PCDHA3: variants seen among roughly 807,000 people sequenced by gnomAD.
PCDHA3 encodes protocadherin alpha-3.
PCDHA3 carries 41 observed loss-of-function variants against 62.2 expected under a neutral mutation model. That is an observed-to-expected ratio of 0.66 (90% CI 0.51 to 0.86). The LOEUF is 0.86. PCDHA3 is among the 40% of genes least tolerant of loss of function. The probability of loss-of-function intolerance (pLI) is 0.00; values close to 1 mark genes in which losing one functional copy is unlikely to be tolerated. For synonymous variants in PCDHA3, 640 were observed against 555.4 expected (o/e 1.15, Z -2.14); for missense variants, 1,304 against 1,241.2 (o/e 1.05, Z -0.76).
At chr5:140,963,237 G>A (rs782735845) in intron 1 of PCDHA3, among the ~76,000 whole-genome samples, 50 of 152,136 alleles carry the variant, frequency 3.3e-4, no homozygotes, top group Non-Finnish European at 6.2e-4. Flanking sequence ...CTGTTTGATG[G>A]ATTAGGTAGG....
chr5:140,969,339 A>AGTG (rs782647003), intron 1 of PCDHA3: 3 of 1,613,948 alleles, frequency 1.9e-6, no homozygotes, highest in African/African-American at 2.7e-5. Flanking sequence ...GAGGTGAGAC[A>AGTG]GTGGTCAGGG....
intron 1 of PCDHA3, chr5:140,877,432 C>T: frequency 6.2e-7 from 1 of 1,613,874 alleles, no homozygotes; most frequent in Non-Finnish European, 8.5e-7. Flanking sequence ...GGTGAAGGAC[C>T]ACGGTGAGCC....
chr5:140,825,781 T>C (rs1469171066), intron 1 of PCDHA3: 1 of 152,484 alleles, frequency 6.6e-6, no homozygotes, highest in African/African-American at 2.4e-5. Context: ...AATTCTACTA[T>C]ATTTTGGTTG....
At chr5:140,836,233 G>A in intron 1 of PCDHA3, 5 of 1,613,764 alleles carry the variant, frequency 3.1e-6, no homozygotes, top group Non-Finnish European at 4.2e-6. Flanking sequence ...GTGGCGGCCG[G>A]TGCGAGCATC....
At chr5:140,830,211 T>C (rs2150182802) in intron 1 of PCDHA3, 1 of 1,613,792 alleles carries the variant, frequency 6.2e-7, no homozygotes, top group South Asian at 1.1e-5. Flanking sequence ...ATCTGCGCGG[T>C]ATCCAGCCTG....
At chr5:140,918,428 T>C (rs2078691655) in intron 1 of PCDHA3, among the ~76,000 whole-genome samples, 1 of 152,194 alleles carries the variant, frequency 6.6e-6, no homozygotes, top group African/African-American at 2.4e-5. Context: ...AGTAGGATGT[T>C]GAATAGGAGT....
chr5:140,926,885 GAGGGA>G (rs782449015), intron 1 of PCDHA3: 1 of 1,543,482 alleles, frequency 6.5e-7, no homozygotes, highest in Non-Finnish European at 8.7e-7. Context: ...TGGACGCCTA[GAGGGA>G]GGATGGTGGG....
At chr5:140,936,577 A>G (rs776415020) in intron 1 of PCDHA3, among the ~76,000 whole-genome samples, 1 of 152,186 alleles carries the variant, frequency 6.6e-6, no homozygotes, top group Non-Finnish European at 1.5e-5. Flanking sequence ...TCCACTTGTA[A>G]ATCCAGTTAG....
At chr5:140,909,169 A>G (rs545864609) in intron 1 of PCDHA3, among the ~76,000 whole-genome samples, 1 of 152,356 alleles carries the variant, frequency 6.6e-6, no homozygotes, top group African/African-American at 2.4e-5. Context: ...AAATCAATCA[A>G]GTTCTCTCCA....
At chr5:140,925,932 A>G (rs1202634955) in intron 1 of PCDHA3, among the ~76,000 whole-genome samples, 1 of 150,196 alleles carries the variant, frequency 6.7e-6, no homozygotes, top group African/African-American at 2.5e-5. Flanking sequence ...TCCCAAGTAG[A>G]GCCTCTTGGA....
intron 1 of PCDHA3, among the ~76,000 whole-genome samples, chr5:140,831,600 T>G (rs1316984188): frequency 2.0e-5 from 3 of 150,404 alleles, no homozygotes; most frequent in Non-Finnish European, 2.9e-5. Flanking sequence ...TGGGTGCAAG[T>G]GATCTGCCCA....
At chr5:140,918,766 C>T (rs1387250517) in intron 1 of PCDHA3, among the ~76,000 whole-genome samples, 2 of 152,170 alleles carry the variant, frequency 1.3e-5, no homozygotes, top group Non-Finnish European at 2.9e-5. Flanking sequence ...GGTGCCTTGC[C>T]TCTTTCACCA....
chr5:140,848,422 G>C, intron 1 of PCDHA3: 1 of 1,425,074 alleles, frequency 7.0e-7, no homozygotes, highest in Middle Eastern at 1.8e-4. Flanking sequence ...AGCAGAATGG[G>C]ACTGACGAAA....
intron 1 of PCDHA3, chr5:140,869,236 G>C (rs781873875): frequency 1.2e-6 from 2 of 1,613,674 alleles, no homozygotes; most frequent in South Asian, 2.2e-5. Flanking sequence ...CGGCACCTTC[G>C]TGGGCCGCAT....
intron 1 of PCDHA3, chr5:140,843,550 T>C (rs1554140221): frequency 6.3e-7 from 1 of 1,595,798 alleles, no homozygotes; most frequent in African/African-American, 1.3e-5. Flanking sequence ...TGTGCTCCAG[T>C]GCGGTGGGGA....
Position 140,828,935 on chromosome 5 carries a change from A to T in PCDHA3, c.2394+25344A>T, listed in dbSNP as rs2150160938. The T allele has an allele frequency of 3.7e-6, 6 of 1,614,120 alleles. No individual in the cohort carries two copies. In the African/African-American group the frequency reaches 8.0e-5, roughly 22 times the overall value. ...GAATGGGGCAATTTCATATTCTTTTAATAGCCTTGTTGCAGCCATGGTTAT... is the reference window on the plus strand; with the variant it reads ...GAATGGGGCAATTTCATATTCTTTTTATAGCCTTGTTGCAGCCATGGTTAT... On this transcript the variant is annotated intron_variant, in intron 1 of 3. Transcript: ENST00000522353.
intron 1 of PCDHA3, chr5:140,868,100 ATTTAT>A (rs2153230738): frequency 1.3e-5 from 2 of 152,260 alleles, no homozygotes; most frequent in South Asian, 2.1e-4. Context: ...TGATAATAAA[ATTTAT>A]TTTATAGTTG....
intron 1 of PCDHA3, among the ~76,000 whole-genome samples, chr5:140,898,613 T>A (rs561301118): frequency 6.6e-6 from 1 of 152,346 alleles, no homozygotes; most frequent in South Asian, 2.1e-4. Flanking sequence ...TAGTTTGAAG[T>A]CAGGTAGCAT....
At chr5:140,822,386 C>T (rs2150115913) in intron 1 of PCDHA3, 2 of 1,614,064 alleles carry the variant, frequency 1.2e-6, no homozygotes, top group East Asian at 4.5e-5. Context: ...AGAGAAGAAA[C>T]ACAAGAACAC....
Sources: gnomAD v4.1 joint callset for allele counts (sites outside exome capture counted in the v4.1 genomes callset) on GRCh38, gnomAD v4.1.1 for gene constraint, MANE v1.5 for transcripts, NCBI Gene and HGNC (gene_info 2026-07-23, HGNC 2026-07-21) for gene names.